The following GMEB2 variants were observed in gnomAD, a reference collection of about 807,000 sequenced individuals.
GMEB2 encodes glucocorticoid modulatory element-binding protein 2.
In GMEB2, 7 loss-of-function variants were observed where a neutral mutation model predicts 45.7. The ratio of observed to expected loss-of-function variants is 0.15; its 90% CI spans 0.09 to 0.29. The LOEUF (loss-of-function observed/expected upper bound fraction) is 0.29, where lower values mean the gene tolerates loss of function less well. Among genes scored for constraint, GMEB2 ranks in the 10% least tolerant of loss-of-function variants. The pLI is 1.00. For synonymous variants in GMEB2, 322 were observed against 323.6 expected (o/e 1.00, Z 0.05); for missense variants, 582 against 739.2 (o/e 0.79, Z 2.47).
At chr20:63,597,638 T>G (rs1379831599) in intron 5 of GMEB2, 119 bp downstream of exon 5, 1 of 652,106 alleles carries the variant, frequency 1.5e-6, no homozygotes. Flanking sequence ...ACCCGGGAGG[T>G]TGTCAGCACT....
Position 63,603,089 on chromosome 20 carries a change from T to C in GMEB2, c.233A>G (p.Lys78Arg). 1.2e-6 allele frequency: 2 copies of C among 1,614,076 alleles called. No individual in the cohort carries two copies. Among genetic ancestry groups the C allele is most frequent in the African/African-American group, 1.3e-5 (1 of 75,052 alleles). Residue 78 changes from lysine to arginine, a missense_variant, in exon 4 of 10, where the codon AAG (lysine) becomes AGG (arginine). By Grantham distance (26) the Lys-to-Arg change is conservative (BLOSUM62 2). Transcript: ENST00000370077. ...SSQLKEAVLV[K>R]MAEEGENLEA... ...CAGGTTCTCCCCCTCTTCAGCCATC[T>C]TCACTTCTCACAGGCACATTGACAG...
At chr20:63,609,304 C>T (rs1319160603) in intron 2 of GMEB2, among the ~76,000 whole-genome samples, 18 of 72,210 alleles carry the variant, frequency 2.5e-4, no homozygotes, top group African/African-American at 9.0e-4. Flanking sequence ...AGAAACATGT[C>T]CCTCTGACTC....
chr20:63,593,089 C>T lies in GMEB2; in HGVS notation c.620-7G>A, dbSNP rs571191517. 4.4e-6 allele frequency: 7 copies of T among 1,600,650 alleles called. No individual in the cohort carries two copies. The Admixed American group carries it at 6.7e-5, about 15-fold the overall frequency. ...GTCGCAGGAGACCCATTCACTGCAG[C>T]CGAAAGGGAACCTCGGGTGAGTGCT... On this transcript the variant is annotated splice_polypyrimidine_tract_variant and splice_region_variant and intron_variant, in intron 6 of 9. Transcript: ENST00000370077. This position sits in a 1 kb window ranked among gnomAD's most constrained non-coding sequence, Gnocchi z 4.7.
chr20:63,626,269 G>A (rs1277605678), intron 1 of GMEB2, among the ~76,000 whole-genome samples: 1 of 151,280 alleles, frequency 6.6e-6, no homozygotes, highest in African/African-American at 2.4e-5. Context: ...GGTGCCTGCC[G>A]GGTGGCCCCT....
At chr20:63,606,523 A>AT (rs1230500172) in intron 2 of GMEB2, among the ~76,000 whole-genome samples, 2 of 151,972 alleles carry the variant, frequency 1.3e-5, no homozygotes, top group East Asian at 3.9e-4. Context: ...AATTTTTTGT[A>AT]TTTTTGTTAG....
intron 5 of GMEB2, among the ~76,000 whole-genome samples, chr20:63,596,240 G>A (rs1151620): frequency 0.52 from 78,621 of 152,166 alleles, 21,187 homozygotes; most frequent in Middle Eastern, 0.66. Context: ...TGATGAGGGC[G>A]CAGGACAGCA....
chr20:63,608,771 C>T (rs2089540832), intron 2 of GMEB2, among the ~76,000 whole-genome samples: 1 of 43,954 alleles, frequency 2.3e-5, no homozygotes, highest in African/African-American at 9.9e-5. Flanking sequence ...GACCCCACAT[C>T]CATTTCTAGA....
At chr20:63,621,340 C>CA (rs1388449251) in intron 1 of GMEB2, among the ~76,000 whole-genome samples, 3 of 152,204 alleles carry the variant, frequency 2.0e-5, no homozygotes, top group Admixed American at 2.0e-4. Context: ...GCTGCACAAT[C>CA]ACTGTGGCTG....
At chr20:63,599,353 G>A (rs453481) in intron 4 of GMEB2, among the ~76,000 whole-genome samples, 68,886 of 152,120 alleles carry the variant, frequency 0.45, 16,421 homozygotes, top group Middle Eastern at 0.54. Context: ...ACGTTTCCCC[G>A]ACTCTTCACA....
chr20:63,593,040 T>G lies in GMEB2; in HGVS notation c.662A>C (p.Asp221Ala). 5 of 1,611,916 alleles carry G rather than the reference T, an allele frequency of 3.1e-6. No individual in the cohort carries two copies. Among genetic ancestry groups the G allele is most frequent in the Non-Finnish European group, 4.2e-6 (5 of 1,178,784 alleles). The change falls in exon 7 of 10, where the codon GAC (aspartate) becomes GCC (alanine). Residue 221 changes from aspartate (D) to alanine (A), a missense_variant. This residue lies in a region of GMEB2 where 462 missense variants were observed against 586.7 expected (regional missense o/e 0.79). Transcript: ENST00000370077. The surrounding 1 kb of genome is among the most constrained non-coding windows in gnomAD (Gnocchi z 4.7). ...PATITIETCE[D>A]PGDWTAAIGD... is the part of the protein sequence containing the mutation. The stretch of plus-strand genomic sequence containing the variant: ...AATGGCCGCGGTCCAGTCGCCAGGG[T>G]CTTCACAGGTCTCTATGGTGATGGT...
intron 2 of GMEB2, among the ~76,000 whole-genome samples, chr20:63,609,382 C>CCCACA (rs2089549328): frequency 7.3e-6 from 1 of 136,122 alleles, no homozygotes; most frequent in African/African-American, 2.7e-5. Context: ...CCCCTCTGAC[C>CCCACA]TCACCTCCAT....
At chr20:63,605,692 C>G in intron 2 of GMEB2, among the ~76,000 whole-genome samples, 1 of 151,502 alleles carries the variant, frequency 6.6e-6, no homozygotes, top group East Asian at 2.0e-4. Flanking sequence ...CAGTGGCTCA[C>G]GCCTGTAATC....
rs913593614 is a variant in GMEB2 at position 63,589,015 on chromosome 20, A to G, written c.*1074T>C. 2 of 398,672 alleles carry G rather than the reference A, an allele frequency of 5.0e-6. No homozygotes were observed. The highest frequency in any genetic ancestry group is 4.1e-5 in the African/African-American group (2 of 48,628). 24.7% of individuals were successfully genotyped at this position (398,672 alleles called of 1,614,324 possible). A position where few individuals can be genotyped will look rare whatever the true frequency, so the allele number is the denominator to read the frequency against. ...TGAACACCCAGGGGCTCTCCCTTGGACAGAGACCACCAAGGGCCAGCCCAG... is the reference window on the plus strand; with the variant it reads ...TGAACACCCAGGGGCTCTCCCTTGGGCAGAGACCACCAAGGGCCAGCCCAG... On this transcript the variant is annotated 3_prime_UTR_variant, in exon 10 of 10. Coordinates refer to ENST00000370077, the MANE Select transcript of GMEB2 (RefSeq NM_012384.5).
intron 5 of GMEB2, among the ~76,000 whole-genome samples, chr20:63,596,769 G>T (rs1054937796): frequency 6.6e-6 from 1 of 152,214 alleles, no homozygotes; most frequent in African/African-American, 2.4e-5. Flanking sequence ...TGGAATCCCA[G>T]CACTTTGGGA....
chr20:63,592,248 G>T lies in GMEB2; in HGVS notation c.830-104C>A. The T allele has an allele frequency of 9.1e-7, 1 of 1,096,170 alleles. No individual in the cohort carries two copies. The highest frequency in any genetic ancestry group is 1.3e-6 in the Non-Finnish European group (1 of 758,852). 67.9% of individuals were successfully genotyped at this position (1,096,170 alleles called of 1,614,324 possible). On this transcript the variant is annotated intron_variant, in intron 8 of 9. Coordinates refer to ENST00000370077, the MANE Select transcript of GMEB2 (RefSeq NM_012384.5). This position sits in a 1 kb window ranked among gnomAD's most constrained non-coding sequence, Gnocchi z 8.2. ...GACCTTCCTAGAGAGTCACGTGGAC[G>T]CTCGGTGAGAGCCTGGGCTCTTCCT...
At chr20:63,623,564 C>T (rs530846900) in intron 1 of GMEB2, among the ~76,000 whole-genome samples, 1 of 150,204 alleles carries the variant, frequency 6.7e-6, no homozygotes, top group African/African-American at 2.5e-5. Context: ...TTTGGGAGGC[C>T]GCGGCGGGTG....
chr20:63,595,899 G>A (rs1350341309), intron 5 of GMEB2, 132 bp from the exon 6 acceptor site: 5 of 735,336 alleles, frequency 6.8e-6, no homozygotes, highest in Non-Finnish European at 9.2e-6. Context: ...CCACAGGGCA[G>A]GGTGGGCTCT....
At chr20:63,603,534 T>C (rs1382612412) in intron 3 of GMEB2, among the ~76,000 whole-genome samples, 2 of 151,314 alleles carry the variant, frequency 1.3e-5, no homozygotes, top group Middle Eastern at 3.4e-3. Flanking sequence ...ATCAAGACCA[T>C]CCTGGCCAAC....
At chr20:63,595,571 G>A (rs2083189365) in intron 6 of GMEB2, 39 bp downstream of exon 6, 2 of 1,550,140 alleles carry the variant, frequency 1.3e-6, no homozygotes, top group Non-Finnish European at 1.7e-6. Context: ...CCATGGCCAG[G>A]GTGGGGCTGG....
Sources: allele counts gnomAD v4.1 joint callset (sites outside exome capture counted in the v4.1 genomes callset), GRCh38; gene constraint gnomAD v4.1.1; regional missense constraint gnomAD v4.1.1; non-coding constraint Gnocchi (gnomAD v3.1); transcripts MANE v1.5; gene names NCBI Gene and HGNC (gene_info 2026-07-23, HGNC 2026-07-21).